COL3A1: variants seen among roughly 807,000 people sequenced by gnomAD.
COL3A1 encodes collagen type III alpha 1 chain, also known as collagen alpha-1(III) chain.
Under a neutral mutation model 200.9 loss-of-function variants are expected in COL3A1, and 46 were observed. That is an observed-to-expected ratio of 0.23 (90% CI 0.18 to 0.29). COL3A1 has a LOEUF of 0.29. COL3A1 is among the 10% of genes least tolerant of loss of function. COL3A1 has a pLI of 1.00. For synonymous variants in COL3A1, 650 were observed against 628.0 expected, an observed-to-expected ratio of 1.03 and a Z score of -0.52; for missense variants, 1,367 against 1,917.6, an observed-to-expected ratio of 0.71 and a Z score of 5.36.
intron 27 of COL3A1, 80 bp from the exon 28 acceptor site, chr2:188,998,186 A>G: frequency 7.6e-7 from 1 of 1,317,944 alleles, no homozygotes; most frequent in Non-Finnish European, 1.1e-6. Context: ...AATATCTTGC[A>G]GAAACATGTG....
At chr2:188,981,907 A>C (rs1687961635) in intron 1 of COL3A1, among the ~76,000 whole-genome samples, 1 of 151,696 alleles carries the variant, frequency 6.6e-6, no homozygotes, top group Non-Finnish European at 1.5e-5. Context: ...TAAGGTAGAA[A>C]AACAGAGAAA....
rs1176948664 is a variant in COL3A1 at position 189,012,243 on chromosome 2, T to G, written c.*469T>G. On this transcript the variant is annotated 3_prime_UTR_variant, in exon 51 of 51. Coordinates refer to ENST00000304636, the MANE Select transcript of COL3A1 (RefSeq NM_000090.4). Reference sequence around the variant, plus strand: ...TGAGTCCCAGAAGATGAAAAAAATTTTATACGTTGATAAAACTTATAAATT... The same window carrying G: ...TGAGTCCCAGAAGATGAAAAAAATTGTATACGTTGATAAAACTTATAAATT... 3.3e-5 allele frequency: 5 copies of G among 153,826 alleles called. No individual in the cohort carries two copies. Among genetic ancestry groups the G allele is most frequent in the Non-Finnish European group, 7.2e-5 (5 of 68,990 alleles). 9.5% of individuals were successfully genotyped at this position (153,826 alleles called of 1,614,324 possible). A position where few individuals can be genotyped will look rare whatever the true frequency, so the allele number is the denominator to read the frequency against.
chr2:188,990,476 T>G (rs1030520762), intron 10 of COL3A1, 116 bp downstream of exon 10: 10 of 914,606 alleles, frequency 1.1e-5, no homozygotes, highest in Non-Finnish European at 1.7e-5. Flanking sequence ...ATTAATTAAT[T>G]TGATATTTTT....
chr2:188,992,964 G>T, intron 15 of COL3A1, 24 bp downstream of exon 15: 1 of 1,610,662 alleles, frequency 6.2e-7, no homozygotes, highest in Non-Finnish European at 8.5e-7. Flanking sequence ...TCTATAGAAG[G>T]GTATAAAAAT....
At chr2:188,996,005 A>C (rs946321390) in intron 22 of COL3A1, 120 bp from the exon 23 acceptor site, 1 of 1,045,440 alleles carries the variant, frequency 9.6e-7, no homozygotes, top group African/African-American at 1.6e-5. Context: ...ACAGGAAAAA[A>C]GATGTGCAAA....
Position 188,984,744 on chromosome 2 carries a change from C to CTAACTTGTT in COL3A1, c.80-14_80-6dup, listed in dbSNP as rs779109685. 4.3e-6 allele frequency: 7 copies of CTAACTTGTT among 1,611,862 alleles called. No homozygotes were observed. The highest frequency in any genetic ancestry group is 5.9e-6 in the Non-Finnish European group (7 of 1,178,404). On this transcript the variant is annotated splice_polypyrimidine_tract_variant and intron_variant, in intron 1 of 50. Coordinates refer to ENST00000304636, the MANE Select transcript of COL3A1 (RefSeq NM_000090.4). ...AAAACCTAAGGAAACTTCACGTCAT[C>CTAACTTGTT]TAACTTGTTTTTCAGCTGTTGAAGG...
intron 47 of COL3A1, chr2:189,008,442 T>C: frequency 2.2e-6 from 1 of 454,600 alleles, no homozygotes; most frequent in Non-Finnish European, 4.0e-6. Flanking sequence ...ATCTCAGAAT[T>C]ACAACATTCA....
In COL3A1 at chr2:188,996,409, A is replaced by T; in HGVS notation, c.1674A>T (p.Gly558=). The change falls in exon 24 of 51, where the codon GGA becomes GGT. Residue 558 remains glycine, a synonymous_variant. Transcript: ENST00000304636. ...DGKPGPPGSQ[G]ESGRPGPPGP... ...TTTTTTCTTATTAGGGAAGTCAAGG[A>T]GAAAGTGGTCGACCAGGTCCTCCTG... 1 of 1,613,772 alleles carries T rather than the reference A, an allele frequency of 6.2e-7. No homozygotes were observed.
chr2:188,997,512 T>C (rs1688356295), intron 26 of COL3A1, 123 bp downstream of exon 26: 1 of 1,221,500 alleles, frequency 8.2e-7, no homozygotes, highest in Non-Finnish European at 1.2e-6. Context: ...ATGATGAAAC[T>C]TGCTGACCTA....
chr2:188,997,216 C>G lies in COL3A1; in HGVS notation c.1813C>G (p.Gln605Glu), dbSNP rs764299277. ...ERGGPGGPGP[Q>E]GPPGKNGETG... ...AGGTGGCCCTGGAGGACCTGGCCCT[C>G]AGGTACGTAGCTTTCCTCAATTTAT... Residue 605 changes from glutamine (Q) to glutamate (E), a missense_variant and splice_region_variant, in exon 25 of 51, where the codon CAG becomes GAG. Physicochemically the swap from Gln to Glu is conservative, Grantham distance 29 (BLOSUM62 2). Around this residue, in one of 5 missense-constraint regions of COL3A1, gnomAD observed 846 missense variants for 1,147.9 expected, o/e 0.74. Coordinates refer to ENST00000304636, the MANE Select transcript of COL3A1 (RefSeq NM_000090.4). 7.4e-6 allele frequency: 12 copies of G among 1,613,892 alleles called. No individual in the cohort carries two copies. The highest frequency in any genetic ancestry group is 1.0e-5 in the Non-Finnish European group (12 of 1,180,010).
chr2:188,998,636 T>G (rs1401789424), intron 28 of COL3A1, 38 bp from the exon 29 acceptor site: 3 of 1,601,022 alleles, frequency 1.9e-6, no homozygotes, highest in African/African-American at 2.7e-5. Flanking sequence ...TAAAATGCAC[T>G]CTGATATGGG....
intron 7 of COL3A1, among the ~76,000 whole-genome samples, 168 bp from the exon 8 acceptor site, chr2:188,989,227 TG>T (rs1688125981): frequency 6.6e-6 from 1 of 151,834 alleles, no homozygotes; most frequent in African/African-American, 2.4e-5. Context: ...AACAGTAAGT[TG>T]ATATAATAGA....
intron 32 of COL3A1, among the ~76,000 whole-genome samples, chr2:189,000,594 G>T (rs535443748): frequency 6.6e-6 from 1 of 152,280 alleles, no homozygotes; most frequent in African/African-American, 2.4e-5. Flanking sequence ...AAATTCTATA[G>T]AGCTACATAT....
chr2:189,009,173 G>A lies in COL3A1; in HGVS notation c.3775G>A (p.Ala1259Thr), dbSNP rs776478974. 2.5e-5 allele frequency: 40 copies of A among 1,614,040 alleles called. No homozygotes were observed. The East Asian group carries it at 5.3e-4, about 22-fold the overall frequency. The stretch of plus-strand genomic sequence containing the variant: ...TCCTGATGGTTCTCGTAAAAACCCC[G>A]CTAGAAACTGCAGAGACCTGAAATT... ...ISPDGSRKNP[A>T]RNCRDLKFCH... is the part of the protein sequence containing the mutation. The change falls in exon 48 of 51, where the codon GCT becomes ACT. Residue 1259 changes from alanine (A) to threonine (T), a missense_variant. Coordinates refer to ENST00000304636, the MANE Select transcript of COL3A1 (RefSeq NM_000090.4).
chr2:188,980,522 G>GA (rs1236967920), intron 1 of COL3A1, among the ~76,000 whole-genome samples: 4 of 150,412 alleles, frequency 2.7e-5, no homozygotes, highest in Admixed American at 2.7e-4. Flanking sequence ...TAAGGAGATT[G>GA]AAAAAGCATA....
chr2:188,979,074 G>A (rs956090332), intron 1 of COL3A1, among the ~76,000 whole-genome samples: 4 of 151,884 alleles, frequency 2.6e-5, no homozygotes, highest in African/African-American at 7.3e-5. Flanking sequence ...GAAAGAGGAC[G>A]AGTCAAAATG....
At chr2:189,002,706 A>C (rs1443568177) in intron 35 of COL3A1, among the ~76,000 whole-genome samples, 1 of 152,216 alleles carries the variant, frequency 6.6e-6, no homozygotes, top group African/African-American at 2.4e-5. Flanking sequence ...TCAAATGTTT[A>C]ATCCTTAGAG....
At chr2:188,981,581 C>T (rs896253220) in intron 1 of COL3A1, among the ~76,000 whole-genome samples, 14 of 150,876 alleles carry the variant, frequency 9.3e-5, no homozygotes, top group Non-Finnish European at 1.6e-4. Context: ...TTTTTTTAAC[C>T]GAAGCTACTC....
Position 188,995,807 on chromosome 2 carries a change from G to C in COL3A1, c.1608+17G>C, listed in dbSNP as rs1559056910. On this transcript the variant is annotated intron_variant, in intron 22 of 50. Coordinates refer to ENST00000304636, the MANE Select transcript of COL3A1 (RefSeq NM_000090.4). ...GGAATGAGGGTACAGAGAAACATTTGTTTGAATGACACTTTAATTTAGACA... is the reference window on the plus strand; with the variant it reads ...GGAATGAGGGTACAGAGAAACATTTCTTTGAATGACACTTTAATTTAGACA... 1 of 1,531,144 alleles carries C rather than the reference G, an allele frequency of 6.5e-7. No homozygotes were observed. The highest frequency in any genetic ancestry group is 2.0e-5 in the Admixed American group (1 of 51,262). 94.8% of individuals were successfully genotyped at this position (1,531,144 alleles called of 1,614,324 possible). A position where few individuals can be genotyped will look rare whatever the true frequency, so the allele number is the denominator to read the frequency against.
Sources: allele counts gnomAD v4.1 joint callset (sites outside exome capture counted in the v4.1 genomes callset), GRCh38; gene constraint gnomAD v4.1.1; regional missense constraint gnomAD v4.1.1; transcripts MANE v1.5; gene names NCBI Gene and HGNC (gene_info 2026-07-23, HGNC 2026-07-21).